The following CERS3 variants were observed in gnomAD, a reference collection of about 807,000 sequenced individuals.
CERS3 encodes ceramide synthase 3.
In CERS3, 33 loss-of-function variants were observed where a neutral mutation model predicts 50.3. The observed-to-expected ratio is 0.66, with a 90% CI of 0.50 to 0.88. The LOEUF (loss-of-function observed/expected upper bound fraction) is 0.88. Among genes scored for constraint, CERS3 ranks in the 40% least tolerant of loss-of-function variants. The pLI, the probability that CERS3 is intolerant of heterozygous loss-of-function variation, is 0.00. For synonymous variants in CERS3, 176 were observed against 155.2 expected, an observed-to-expected ratio of 1.13 and a Z score of -0.99; for missense variants, 470 against 460.3, an observed-to-expected ratio of 1.02 and a Z score of -0.19.
chr15:100,474,440 C>G (rs1311072562), intron 8 of CERS3, among the ~76,000 whole-genome samples: 2 of 151,278 alleles, frequency 1.3e-5, no homozygotes, highest in African/African-American at 4.9e-5. Flanking sequence ...GAGTCTTGCT[C>G]TGTCACCAGG....
chr15:100,466,812 C>CCTCCCTCCCTCT (rs2034745926), intron 10 of CERS3, among the ~76,000 whole-genome samples: 1 of 16,252 alleles, frequency 6.2e-5, no homozygotes, highest in South Asian at 5.4e-3. Context: ...TCCCTCCCTC[C>CCTCCCTCCCTCT]CTCCCTCTCT....
At chr15:100,452,804 CAA>C (rs1351446651) in intron 11 of CERS3, among the ~76,000 whole-genome samples, 1 of 151,734 alleles carries the variant, frequency 6.6e-6, no homozygotes, top group African/African-American at 2.4e-5. Context: ...AAATCAGAAA[CAA>C]AAAAGACACA....
At chr15:100,437,479 G>A (rs1288984342) in intron 11 of CERS3, among the ~76,000 whole-genome samples, 2 of 152,118 alleles carry the variant, frequency 1.3e-5, no homozygotes, top group Non-Finnish European at 2.9e-5. Flanking sequence ...ACTGGCAAAA[G>A]ACAGCTTAGA....
intron 2 of CERS3, among the ~76,000 whole-genome samples, chr15:100,504,711 G>T (rs1163277862): frequency 6.6e-6 from 1 of 152,144 alleles, no homozygotes; most frequent in Non-Finnish European, 1.5e-5. Flanking sequence ...GGGGTGAAGG[G>T]GTGACCACGG....
intron 1 of CERS3, among the ~76,000 whole-genome samples, chr15:100,535,011 T>C (rs2037036006): frequency 6.6e-6 from 1 of 152,152 alleles, no homozygotes; most frequent in African/African-American, 2.4e-5. Context: ...ACATCTTACA[T>C]GTGTTGATGT....
intron 7 of CERS3, among the ~76,000 whole-genome samples, chr15:100,478,452 T>C (rs2035202100): frequency 6.6e-6 from 1 of 152,122 alleles, no homozygotes; most frequent in Non-Finnish European, 1.5e-5. Context: ...GTAATAGCAG[T>C]AGCCAGAGTA....
rs1004002352 is a variant in CERS3 at position 100,468,214 on chromosome 15, C to T, written c.845+1164G>A. Reference sequence around the variant, plus strand: ...TACTGATTCTTTACTGAGTACCAGACATTGTTCCAAACTATATAAACTAGT... The same window carrying T: ...TACTGATTCTTTACTGAGTACCAGATATTGTTCCAAACTATATAAACTAGT... On this transcript the variant is annotated intron_variant, in intron 10 of 11. Transcript: ENST00000679737. Among the ~76,000 whole-genome samples the T allele has an allele frequency of 2.6e-4, 39 of 152,276 alleles. 1 individual carries two copies. Among genetic ancestry groups the T allele is most frequent in the African/African-American group, 9.4e-4 (39 of 41,562 alleles).
chr15:100,475,768 T>C (rs1164984746), intron 8 of CERS3: 3 of 157,214 alleles, frequency 1.9e-5, no homozygotes, highest in Non-Finnish European at 4.2e-5. Context: ...GTAGAATTAA[T>C]ACTACTAACA....
intron 1 of CERS3, among the ~76,000 whole-genome samples, chr15:100,543,971 G>C (rs768661206): frequency 6.6e-6 from 1 of 150,800 alleles, no homozygotes; most frequent in Non-Finnish European, 1.5e-5. Context: ...CTGCTACCTG[G>C]GAAAAACAAA....
At position 100,431,061 on chromosome 15, in the gene CERS3, T is replaced by C. The variant is rs73488561; in HGVS notation, c.999+24832A>G. ...GAGATATTGTATTTCTAGCAGTCCC[T>C]GGACTGTACCTGGGCTGATGGTCAG... On this transcript the variant is annotated intron_variant, in intron 11 of 11. Coordinates refer to ENST00000679737, the MANE Select transcript of CERS3 (RefSeq NM_001378789.1). Among the ~76,000 whole-genome samples the C allele has an allele frequency of 4.2e-3, 646 of 152,288 alleles. 3 individuals carry two copies. Among genetic ancestry groups the C allele is most frequent in the African/African-American group, 0.015 (619 of 41,564 alleles).
intron 11 of CERS3, among the ~76,000 whole-genome samples, chr15:100,410,286 G>C (rs1323564009): frequency 2.0e-5 from 3 of 152,146 alleles, no homozygotes; most frequent in Non-Finnish European, 4.4e-5. Flanking sequence ...AGGGGCTATG[G>C]AACCCTCACA....
At chr15:100,467,401 G>T (rs963779462) in intron 10 of CERS3, among the ~76,000 whole-genome samples, 2 of 152,018 alleles carry the variant, frequency 1.3e-5, no homozygotes, top group Admixed American at 1.3e-4. Flanking sequence ...GTATGTTTTC[G>T]TACAGCCCAT....
At chr15:100,453,015 A>G (rs564026266) in intron 11 of CERS3, among the ~76,000 whole-genome samples, 14 of 152,190 alleles carry the variant, frequency 9.2e-5, no homozygotes, top group African/African-American at 2.9e-4. Flanking sequence ...AAAGTCTTTC[A>G]ACAAAGAAAA....
chr15:100,418,206 C>G (rs935733963), intron 11 of CERS3, among the ~76,000 whole-genome samples: 3 of 151,968 alleles, frequency 2.0e-5, no homozygotes, highest in African/African-American at 7.3e-5. Context: ...GAATGTGTAA[C>G]TAGAATAACC....
At chr15:100,523,676 G>A (rs2036703425) in intron 1 of CERS3, among the ~76,000 whole-genome samples, 1 of 148,000 alleles carries the variant, frequency 6.8e-6, no homozygotes, top group Non-Finnish European at 1.5e-5. Context: ...ACTCCAGCAT[G>A]GGCAACAGAG....
chr15:100,479,637 C>T, intron 6 of CERS3, 159 bp from the exon 7 acceptor site: 1 of 610,046 alleles, frequency 1.6e-6, no homozygotes. Context: ...GCTTCTATTG[C>T]ACGTATTTCT....
intron 11 of CERS3, among the ~76,000 whole-genome samples, chr15:100,410,542 G>A (rs1408896826): frequency 2.6e-5 from 4 of 152,210 alleles, no homozygotes; most frequent in African/African-American, 7.2e-5. Flanking sequence ...TAGGAGCAGA[G>A]GCATAGAGAC....
chr15:100,406,443 T>C (rs909529307), intron 11 of CERS3, among the ~76,000 whole-genome samples: 1 of 152,192 alleles, frequency 6.6e-6, no homozygotes, highest in Non-Finnish European at 1.5e-5. Flanking sequence ...AATCTGAACA[T>C]GGCTTTTGAA....
At chr15:100,530,351 C>T (rs1420145107), upstream of CERS3, among the ~76,000 whole-genome samples, 1 of 152,234 alleles carries the variant, frequency 6.6e-6, no homozygotes, top group Non-Finnish European at 1.5e-5. Flanking sequence ...GGCACAATGG[C>T]CTGCTCGCAA....
Sources: gnomAD v4.1 joint callset for allele counts (sites outside exome capture counted in the v4.1 genomes callset) on GRCh38, gnomAD v4.1.1 for gene constraint, MANE v1.5 for transcripts, NCBI Gene and HGNC (gene_info 2026-07-23, HGNC 2026-07-21) for gene names.